Variants in GPHN observed in about 807,000 individuals in gnomAD.
The protein encoded by GPHN is gephyrin.
Under a neutral mutation model 95.5 loss-of-function variants are expected in GPHN, and 17 were observed. The ratio of observed to expected loss-of-function variants is 0.18; its 90% CI spans 0.12 to 0.27. GPHN has a LOEUF of 0.27. GPHN is among the 10% of genes least tolerant of loss of function. The probability of loss-of-function intolerance (pLI) is 1.00; values close to 1 mark genes in which losing one functional copy is unlikely to be tolerated. For missense variants in GPHN, 660 were observed against 978.1 expected (o/e 0.67, Z 4.34); for synonymous variants, 320 against 322.5 (o/e 0.99, Z 0.08).
the GPHN span, among the ~76,000 whole-genome samples, chr14:67,460,057 G>A: frequency 6.6e-6 from 1 of 152,186 alleles, no homozygotes; most frequent in Non-Finnish European, 1.5e-5. Context: ...TGTGTATCAG[G>A]TACCAAAATG....
chr14:66,680,166 G>A (rs1334119232), intron 1 of GPHN, among the ~76,000 whole-genome samples: 2 of 152,146 alleles, frequency 1.3e-5, no homozygotes, highest in Non-Finnish European at 2.9e-5. Context: ...CTGTTGTGTT[G>A]CAGACTCTTC....
At chr14:67,166,662 T>TTTTG (rs113684530) in intron 20 of GPHN, among the ~76,000 whole-genome samples, 4,569 of 152,134 alleles carry the variant, frequency 0.03, 77 homozygotes, top group African/African-American at 0.043. Context: ...GTTTTGTGTT[T>TTTTG]TTTGTTTGTT....
intron 1 of GPHN, among the ~76,000 whole-genome samples, chr14:66,567,833 A>G (rs1270858468): frequency 6.6e-6 from 1 of 152,102 alleles, no homozygotes; most frequent in Non-Finnish European, 1.5e-5. Flanking sequence ...TTTTTTGAGT[A>G]TATTGTGGGT....
chr14:67,575,514 C>A, the GPHN span: 1 of 1,244,344 alleles, frequency 8.0e-7, no homozygotes. Flanking sequence ...TCCTGCTTCC[C>A]CCGAAGCACA....
chr14:67,366,384 T>C, the GPHN span, among the ~76,000 whole-genome samples: 1 of 152,210 alleles, frequency 6.6e-6, no homozygotes, highest in South Asian at 2.1e-4. Context: ...CTTTTTCTAT[T>C]GTATAAAATA....
the GPHN span, among the ~76,000 whole-genome samples, chr14:67,239,697 A>C: frequency 6.6e-6 from 1 of 152,146 alleles, no homozygotes; most frequent in Admixed American, 6.5e-5. Context: ...CTCTACTAAC[A>C]ATACAAAAAT....
At chr14:67,598,578 T>A in the GPHN span, among the ~76,000 whole-genome samples, 1 of 152,140 alleles carries the variant, frequency 6.6e-6, no homozygotes, top group African/African-American at 2.4e-5. Context: ...AATATCTATT[T>A]CCTCCTCCTC....
intron 11 of GPHN, among the ~76,000 whole-genome samples, chr14:67,063,638 G>A (rs1471598377): frequency 6.6e-6 from 1 of 152,110 alleles, no homozygotes; most frequent in Non-Finnish European, 1.5e-5. Flanking sequence ...CCTTGAAGAG[G>A]TCCTTCACAT....
At chr14:67,600,908 T>G in the GPHN span, among the ~76,000 whole-genome samples, 3 of 152,176 alleles carry the variant, frequency 2.0e-5, no homozygotes, top group African/African-American at 7.2e-5. Context: ...ATGCTTTTGC[T>G]TGGCAAGCCG....
intron 11 of GPHN, among the ~76,000 whole-genome samples, chr14:67,082,233 A>G (rs2076722074): frequency 6.6e-6 from 1 of 152,196 alleles, no homozygotes; most frequent in African/African-American, 2.4e-5. Flanking sequence ...ACCCATGAGC[A>G]TGGGATGTGT....
At chr14:66,637,589 A>T (rs1178838626) in intron 1 of GPHN, among the ~76,000 whole-genome samples, 1 of 152,184 alleles carries the variant, frequency 6.6e-6, no homozygotes, top group Non-Finnish European at 1.5e-5. Context: ...CTCATAAGAT[A>T]GTATTATAGT....
the GPHN span, among the ~76,000 whole-genome samples, chr14:67,298,274 C>T: frequency 2.6e-5 from 4 of 151,920 alleles, no homozygotes. Context: ...AATAGTTATA[C>T]TGTTACTAGG....
At chr14:66,822,267 A>G (rs1283201874) in intron 3 of GPHN, among the ~76,000 whole-genome samples, 7 of 152,170 alleles carry the variant, frequency 4.6e-5, no homozygotes, top group South Asian at 2.1e-4. Flanking sequence ...TTTAAACTGT[A>G]TGAAATCTTT....
the GPHN span, chr14:67,588,276 A>C: frequency 1.3e-5 from 2 of 152,560 alleles, no homozygotes; most frequent in Non-Finnish European, 2.9e-5. Context: ...GTGGGCCATC[A>C]TTTGTTTCCT....
chr14:66,965,735 G>A (rs1008361764), intron 9 of GPHN, among the ~76,000 whole-genome samples: 1 of 152,032 alleles, frequency 6.6e-6, no homozygotes, highest in African/African-American at 2.4e-5. Context: ...TCCGGGCTGG[G>A]GTAGCTCCCT....
At chr14:66,545,713 G>A (rs1348207218) in intron 1 of GPHN, among the ~76,000 whole-genome samples, 9 of 142,046 alleles carry the variant, frequency 6.3e-5, no homozygotes, top group South Asian at 2.3e-4. Context: ...CCTCCCGGAC[G>A]GGGTGGCTGG....
At chr14:66,860,609 T>C (rs190704565) in intron 4 of GPHN, among the ~76,000 whole-genome samples, 85 of 152,060 alleles carry the variant, frequency 5.6e-4, no homozygotes, top group African/African-American at 2.0e-3. Flanking sequence ...AGACTGTGAT[T>C]GTGGTGTGTA....
chr14:67,667,149 G>A, the GPHN span, among the ~76,000 whole-genome samples: 1 of 152,160 alleles, frequency 6.6e-6, no homozygotes. Flanking sequence ...GAGTAAAATG[G>A]AAACAGACAG....
At chr14:67,091,846 T>C (rs2077160271) in intron 12 of GPHN, among the ~76,000 whole-genome samples, 2 of 151,672 alleles carry the variant, frequency 1.3e-5, no homozygotes, top group Non-Finnish European at 2.9e-5. Flanking sequence ...TTTTTTTTTT[T>C]GTTATTTCAC....
Sources: allele counts gnomAD v4.1 joint callset (sites outside exome capture counted in the v4.1 genomes callset), GRCh38; gene constraint gnomAD v4.1.1; transcripts MANE v1.5; gene names NCBI Gene and HGNC (gene_info 2026-07-23, HGNC 2026-07-21).